GPC5: variants seen among roughly 807,000 people sequenced by gnomAD.
GPC5 encodes the protein glypican-5.
In GPC5, 47 loss-of-function variants were observed where a neutral mutation model predicts 53.9. The ratio of observed to expected loss-of-function variants is 0.87; its 90% CI spans 0.69 to 1.11. The LOEUF (loss-of-function observed/expected upper bound fraction) is 1.11. GPC5 is among the 50% of genes most tolerant of loss of function. The pLI is 0.00. For missense variants in GPC5, 748 were observed against 713.1 expected (o/e 1.05, Z -0.56); for synonymous variants, 286 against 263.3 (o/e 1.09, Z -0.84).
At chr13:92,749,211 C>A (rs1365687890) in intron 7 of GPC5, among the ~76,000 whole-genome samples, 1 of 151,942 alleles carries the variant, frequency 6.6e-6, no homozygotes, top group Admixed American at 6.6e-5. Flanking sequence ...TAGGTAAAAT[C>A]CAAACAAATT....
chr13:92,071,019 C>A (rs1176806157), intron 6 of GPC5, among the ~76,000 whole-genome samples: 1 of 152,072 alleles, frequency 6.6e-6, no homozygotes, highest in African/African-American at 2.4e-5. Flanking sequence ...GGGCGGATCA[C>A]GAGGTCAGGA....
At chr13:92,816,822 C>G (rs978927216) in intron 7 of GPC5, among the ~76,000 whole-genome samples, 2 of 151,984 alleles carry the variant, frequency 1.3e-5, no homozygotes, top group African/African-American at 4.8e-5. Context: ...TGCCCTGACT[C>G]TGCCAACATG....
chr13:92,017,095 G>A (rs1396166992), intron 6 of GPC5, among the ~76,000 whole-genome samples: 2 of 152,114 alleles, frequency 1.3e-5, no homozygotes, highest in Non-Finnish European at 2.9e-5. Flanking sequence ...CTGTGGTGGC[G>A]TGGTGGAGTT....
At chr13:91,531,700 G>A (rs1398626118) in intron 2 of GPC5, among the ~76,000 whole-genome samples, 1 of 152,172 alleles carries the variant, frequency 6.6e-6, no homozygotes, top group Non-Finnish European at 1.5e-5. Context: ...TTATACAAAA[G>A]TAGCAGCTTG....
At chr13:92,803,273 T>C (rs1181126853) in intron 7 of GPC5, among the ~76,000 whole-genome samples, 1 of 151,942 alleles carries the variant, frequency 6.6e-6, no homozygotes, top group Non-Finnish European at 1.5e-5. Context: ...AAAATCATGC[T>C]GATTTGAACT....
chr13:91,998,488 C>T (rs997074550), intron 6 of GPC5, among the ~76,000 whole-genome samples: 2 of 152,110 alleles, frequency 1.3e-5, no homozygotes, highest in African/African-American at 4.8e-5. Context: ...CTTTCCAATC[C>T]ATAAACATGA....
intron 6 of GPC5, among the ~76,000 whole-genome samples, chr13:92,004,486 A>ATATATATATATATATATC (rs2040587947): frequency 8.0e-6 from 1 of 125,096 alleles, no homozygotes; most frequent in Non-Finnish European, 1.7e-5. Context: ...ATATATATAT[A>ATATATATATATATATATC]TATAATTACA....
chr13:91,870,761 A>G (rs1454409555), intron 5 of GPC5, among the ~76,000 whole-genome samples: 3 of 152,206 alleles, frequency 2.0e-5, no homozygotes, highest in Non-Finnish European at 2.9e-5. Flanking sequence ...AGTATATTTG[A>G]GTTATTTTTT....
chr13:91,436,535 C>T (rs1283521282), intron 1 of GPC5, among the ~76,000 whole-genome samples: 1 of 152,154 alleles, frequency 6.6e-6, no homozygotes, highest in African/African-American at 2.4e-5. Context: ...AGTTTGATTG[C>T]ACTGTGGTCT....
At chr13:91,897,435 G>A (rs1449321894) in intron 5 of GPC5, among the ~76,000 whole-genome samples, 2 of 150,938 alleles carry the variant, frequency 1.3e-5, no homozygotes, top group East Asian at 2.0e-4. Flanking sequence ...AATATGCCTG[G>A]CACTTAAGAA....
intron 7 of GPC5, among the ~76,000 whole-genome samples, chr13:92,214,625 G>A (rs2042397291): frequency 1.3e-5 from 2 of 152,122 alleles, no homozygotes; most frequent in South Asian, 4.1e-4. Flanking sequence ...GGGAAAAACT[G>A]GGAGACTGGT....
chr13:92,468,075 A>G (rs146374223), intron 7 of GPC5, among the ~76,000 whole-genome samples: 91 of 152,222 alleles, frequency 6.0e-4, no homozygotes, highest in Non-Finnish European at 1.1e-3. Context: ...AAATGGGTCT[A>G]AGTGTTTTTG....
chr13:92,624,454 A>G (rs1410770701), intron 7 of GPC5, among the ~76,000 whole-genome samples: 1 of 152,176 alleles, frequency 6.6e-6, no homozygotes, highest in Non-Finnish European at 1.5e-5. Flanking sequence ...TACTTCTGCC[A>G]TGTCCATTCA....
chr13:92,459,542 C>T (rs959016574), intron 7 of GPC5, among the ~76,000 whole-genome samples: 36 of 152,170 alleles, frequency 2.4e-4, no homozygotes, highest in Non-Finnish European at 1.2e-4. Context: ...AAATTTTCCC[C>T]TGACAGCTGG....
intron 2 of GPC5, among the ~76,000 whole-genome samples, chr13:91,572,818 T>C (rs1290812142): frequency 6.6e-6 from 1 of 152,148 alleles, no homozygotes; most frequent in Non-Finnish European, 1.5e-5. Flanking sequence ...GAAATTTTAC[T>C]TCTAACACAA....
chr13:92,531,460 C>T (rs1245682790), intron 7 of GPC5, among the ~76,000 whole-genome samples: 2 of 151,582 alleles, frequency 1.3e-5, no homozygotes, highest in Non-Finnish European at 2.9e-5. Context: ...ACTAAATATA[C>T]ATATTTCTGT....
intron 2 of GPC5, among the ~76,000 whole-genome samples, chr13:91,467,979 C>T (rs1460736646): frequency 2.6e-5 from 4 of 152,280 alleles, no homozygotes; most frequent in South Asian, 4.1e-4. Flanking sequence ...ATCGCTGGCT[C>T]ACATCCATGG....
Position 92,190,630 on chromosome 13 carries a change from A to T in GPC5, c.1561+45641A>T, listed in dbSNP as rs182164079. Among the ~76,000 whole-genome samples, 4 of 152,314 alleles carry T rather than the reference A, an allele frequency of 2.6e-5. No homozygotes were observed. The East Asian group carries it at 7.7e-4, about 29-fold the overall frequency. On this transcript the variant is annotated intron_variant, in intron 7 of 7. Transcript: ENST00000377067. ...AAGTAATTGCACTGCTTGTGAAGTGATACAGTGTTATTTGAAAGTGTATTT... is the reference window on the plus strand; with the variant it reads ...AAGTAATTGCACTGCTTGTGAAGTGTTACAGTGTTATTTGAAAGTGTATTT...
rs375374488 is a variant in GPC5, at chr13:91,493,998, C to T, written c.325+45076C>T. On this transcript the variant is annotated intron_variant, in intron 2 of 7. Coordinates refer to ENST00000377067, the MANE Select transcript of GPC5 (RefSeq NM_004466.6). ...AAGCAATTCCCCTGCCTGAGCCTCC[C>T]GAGTAGCTGAGACTACAGGCACCCA... Among the ~76,000 whole-genome samples the T allele has an allele frequency of 4.4e-4, 67 of 152,100 alleles. 1 individual carries two copies. Among genetic ancestry groups the T allele is most frequent in the South Asian group, 1.9e-3 (9 of 4,822 alleles).
Sources: allele counts gnomAD v4.1 joint callset (sites outside exome capture counted in the v4.1 genomes callset), GRCh38; gene constraint gnomAD v4.1.1; transcripts MANE v1.5; gene names NCBI Gene and HGNC (gene_info 2026-07-23, HGNC 2026-07-21).